Variants in PCDHA2 observed in about 807,000 individuals in gnomAD.
The protein encoded by PCDHA2 is protocadherin alpha 2.
In PCDHA2, 58 loss-of-function variants were observed where a neutral mutation model predicts 66.0. The observed-to-expected ratio is 0.88, with a 90% confidence interval of 0.71 to 1.09. The LOEUF (loss-of-function observed/expected upper bound fraction) is 1.09, where lower values mean the gene tolerates loss of function less well. Among genes scored for constraint, PCDHA2 ranks in the 50% least tolerant of loss-of-function variants. PCDHA2 has a pLI of 0.00. For synonymous variants in PCDHA2, 634 were observed against 554.0 expected (o/e 1.14, Z -2.03); for missense variants, 1,267 against 1,242.3 (o/e 1.02, Z -0.30).
intron 3 of PCDHA2, among the ~76,000 whole-genome samples, chr5:141,003,811 C>G (rs1490096042): frequency 1.3e-5 from 2 of 152,114 alleles, no homozygotes; most frequent in African/African-American, 4.8e-5. Context: ...AATCTGTAGT[C>G]TGGGAAGGGC....
intron 1 of PCDHA2, chr5:140,875,980 T>A: frequency 6.2e-7 from 1 of 1,614,062 alleles, no homozygotes; most frequent in East Asian, 2.2e-5. Context: ...TCTTTTGACC[T>A]ATGCGTTAAG....
chr5:140,905,991 G>C (rs1377300111), intron 1 of PCDHA2, among the ~76,000 whole-genome samples: 1 of 152,156 alleles, frequency 6.6e-6, no homozygotes, highest in Non-Finnish European at 1.5e-5. Flanking sequence ...AAAGATGTAG[G>C]CTGGGAGGCT....
At chr5:140,926,713 C>G (rs1018008271) in intron 1 of PCDHA2, 16 of 944,684 alleles carry the variant, frequency 1.7e-5, no homozygotes, top group Non-Finnish European at 2.3e-5. Flanking sequence ...CTGGCCAGCC[C>G]CGGCAATGCC....
At chr5:140,849,732 C>T (rs2150447355) in intron 1 of PCDHA2, 6 of 1,598,488 alleles carry the variant, frequency 3.8e-6, no homozygotes, top group Non-Finnish European at 5.1e-6. Flanking sequence ...GGACAGAGCT[C>T]TGGACCGCGA....
intron 1 of PCDHA2, among the ~76,000 whole-genome samples, chr5:140,947,404 T>G (rs1305199507): frequency 6.6e-6 from 1 of 151,736 alleles, no homozygotes; most frequent in Non-Finnish European, 1.5e-5. Flanking sequence ...GTAGACTGTC[T>G]TGATATTGTA....
At chr5:140,800,714 G>A (rs1554121201) in intron 1 of PCDHA2, among the ~76,000 whole-genome samples, 2 of 152,096 alleles carry the variant, frequency 1.3e-5, no homozygotes, top group African/African-American at 4.8e-5. Context: ...ATAATTTAAC[G>A]GGATAATTCC....
At chr5:140,882,070 C>A in intron 1 of PCDHA2, 1 of 854,286 alleles carries the variant, frequency 1.2e-6, no homozygotes, top group Non-Finnish European at 1.8e-6. Context: ...CGTTCATGCG[C>A]ATGGTGTCGC....
Position 140,968,348 on chromosome 5 carries a change from A to G in PCDHA2, c.2389-10601A>G, listed in dbSNP as rs782567344. The stretch of plus-strand genomic sequence containing the variant: ...CTCCTATGTCTCCATTAACAGTGCC[A>G]GTGGCAGCCTTTATGCTGTCAACTC... On this transcript the variant is annotated intron_variant, in intron 1 of 3. Coordinates refer to ENST00000526136, the MANE Select transcript of PCDHA2 (RefSeq NM_018905.3). 1 of 1,614,124 alleles carries G rather than the reference A, an allele frequency of 6.2e-7. No individual in the cohort carries two copies. The highest frequency in any genetic ancestry group is 2.2e-5 in the East Asian group (1 of 44,886).
chr5:140,850,692 G>A lies in PCDHA2; in HGVS notation c.2388+53340G>A, dbSNP rs2150494456. The A allele has an allele frequency of 1.9e-6, 3 of 1,598,344 alleles. 1 individual carries two copies. The Admixed American group carries it at 5.1e-5, about 27-fold the overall frequency. On this transcript the variant is annotated intron_variant, in intron 1 of 3. Transcript: ENST00000526136. ...GGCGATGCCCACCGAGGGCGAGTGC[G>A]CGCCTGGCAAGCCGACGCTGGTGTG...
chr5:140,850,208 G>A lies in PCDHA2; in HGVS notation c.2388+52856G>A, dbSNP rs2150473240. On this transcript the variant is annotated intron_variant, in intron 1 of 3. Transcript: ENST00000526136. Reference sequence around the variant, plus strand: ...CGGCGCTGCTGACACCTCGGATGAGGGGCACTGACGGCGCAGTGAGCGAGA... The same window carrying A: ...CGGCGCTGCTGACACCTCGGATGAGAGGCACTGACGGCGCAGTGAGCGAGA... 6.3e-6 allele frequency: 10 copies of A among 1,593,574 alleles called. 2 individuals carry two copies. The highest frequency in any genetic ancestry group is 6.9e-6 in the Non-Finnish European group (8 of 1,167,640).
rs2150527140 is a variant in PCDHA2 at position 140,853,018 on chromosome 5, A to G, written c.2388+55666A>G. 8 of 268,768 alleles carry G rather than the reference A, an allele frequency of 3.0e-5. No homozygotes were observed. In the East Asian group the frequency reaches 8.8e-4, roughly 30 times the overall value. 16.6% of individuals were successfully genotyped at this position (268,768 alleles called of 1,614,324 possible). A position where few individuals can be genotyped will look rare whatever the true frequency, so the allele number is the denominator to read the frequency against. ...CTCAGCCTCCCGAGTAGCTGGGACT[A>G]CAGGCGCCTGCCACCATGCCCGCCT... On this transcript the variant is annotated intron_variant, in intron 1 of 3. Coordinates refer to ENST00000526136, the MANE Select transcript of PCDHA2 (RefSeq NM_018905.3).
intron 1 of PCDHA2, among the ~76,000 whole-genome samples, chr5:140,903,944 A>G (rs1554191212): frequency 6.6e-6 from 1 of 152,192 alleles, no homozygotes; most frequent in African/African-American, 2.4e-5. Context: ...CCTCTTAAAT[A>G]CTGGAAAATT....
At chr5:140,876,549 G>A in intron 1 of PCDHA2, 2 of 1,614,206 alleles carry the variant, frequency 1.2e-6, no homozygotes, top group Non-Finnish European at 1.7e-6. Flanking sequence ...CGCTCCCTGT[G>A]CAAGAGGATG....
chr5:140,851,291 C>A, intron 1 of PCDHA2: 1 of 1,030,836 alleles, frequency 9.7e-7, no homozygotes, highest in Non-Finnish European at 1.2e-6. Context: ...GAAACCCAAG[C>A]AAAAATATAT....
chr5:140,807,023 A>G (rs1763831749), intron 1 of PCDHA2: 3 of 827,224 alleles, frequency 3.6e-6, no homozygotes, highest in South Asian at 3.6e-5. Flanking sequence ...ACATGAGAGA[A>G]GGAGGAAGAA....
At chr5:140,871,700 A>G in intron 1 of PCDHA2, 1 of 896,726 alleles carries the variant, frequency 1.1e-6, no homozygotes, top group Non-Finnish European at 1.6e-6. Flanking sequence ...TTCTTTAACC[A>G]ATAAATGTCC....
In PCDHA2 at chr5:140,858,494, C is replaced by T. The variant is rs1451749220; in HGVS notation, c.2388+61142C>T. 40 of 1,482,664 alleles carry T rather than the reference C, an allele frequency of 2.7e-5. 3 individuals carry two copies. In the Middle Eastern group the frequency reaches 5.1e-4, roughly 19 times the overall value. 91.8% of individuals were successfully genotyped at this position (1,482,664 alleles called of 1,614,324 possible). A position where few individuals can be genotyped will look rare whatever the true frequency, so the allele number is the denominator to read the frequency against. On this transcript the variant is annotated intron_variant, in intron 1 of 3. Transcript: ENST00000526136. Reference sequence around the variant, plus strand: ...CTTTATGAATAATATTTTCTCTTACCGCATTTTCTCAAATATGTATCAGAA... The same window carrying T: ...CTTTATGAATAATATTTTCTCTTACTGCATTTTCTCAAATATGTATCAGAA...
chr5:140,853,383 A>G lies in PCDHA2; in HGVS notation c.2388+56031A>G, dbSNP rs896759512. ...GGATCCAGAGATGGTAAAATTCAAA[A>G]CAGCCTGTCAAGTTCAAAACAGAGA... On this transcript the variant is annotated intron_variant, in intron 1 of 3. Transcript: ENST00000526136. The G allele has an allele frequency of 5.1e-6, 5 of 985,712 alleles. No individual in the cohort carries two copies. In the South Asian group the frequency reaches 2.4e-4, roughly 47 times the overall value. The allele number at this position is 985,712 out of a possible 1,614,324, so 61.1% of individuals were successfully genotyped here. A position where few individuals can be genotyped will look rare whatever the true frequency, so the allele number is the denominator to read the frequency against.
At chr5:140,960,629 A>C (rs1370416431) in intron 1 of PCDHA2, among the ~76,000 whole-genome samples, 1 of 152,192 alleles carries the variant, frequency 6.6e-6, no homozygotes, top group Admixed American at 6.5e-5. Flanking sequence ...TTTGAAATAT[A>C]TTTTTAAAAC....
Sources: gnomAD v4.1 joint callset for allele counts (sites outside exome capture counted in the v4.1 genomes callset) on GRCh38, gnomAD v4.1.1 for gene constraint, MANE v1.5 for transcripts, NCBI Gene and HGNC (gene_info 2026-07-23, HGNC 2026-07-21) for gene names.